The following DIDO1 variants were observed in gnomAD, a reference collection of about 807,000 sequenced individuals.
DIDO1 encodes death inducer-obliterator 1.
In DIDO1, 16 loss-of-function variants were observed where a neutral mutation model predicts 99.4. The observed-to-expected ratio is 0.16, with a 90% CI of 0.11 to 0.24. The LOEUF (loss-of-function observed/expected upper bound fraction) is 0.24, where lower values mean the gene tolerates loss of function less well. Ranked by LOEUF, DIDO1 falls within the 10% of genes least tolerant of loss-of-function variation. The pLI is 1.00. For synonymous variants in DIDO1, 1,366 were observed against 1,239.1 expected, an observed-to-expected ratio of 1.10 and a Z score of -2.15; for missense variants, 2,996 against 3,014.0, an observed-to-expected ratio of 0.99 and a Z score of 0.14.
At chr20:62,912,408 C>T (rs958577428) in intron 2 of DIDO1, among the ~76,000 whole-genome samples, 4 of 150,680 alleles carry the variant, frequency 2.7e-5, no homozygotes, top group African/African-American at 4.9e-5. Flanking sequence ...ATGGTCAAGG[C>T]GATCACTTTA....
intron 1 of DIDO1, among the ~76,000 whole-genome samples, chr20:62,932,067 T>C (rs1204252776): frequency 1.3e-5 from 2 of 152,050 alleles, no homozygotes; most frequent in Admixed American, 6.6e-5. Flanking sequence ...TTCAGGGAGG[T>C]CTTGCTTTGT....
At chr20:62,887,209 A>C in intron 15 of DIDO1, 1 of 985,454 alleles carries the variant, frequency 1.0e-6, no homozygotes, top group Non-Finnish European at 1.2e-6. Context: ...ACAAACAAGG[A>C]CCAGTTTCCA....
At chr20:62,899,775 G>A (rs1422966580) in intron 6 of DIDO1, among the ~76,000 whole-genome samples, 1 of 152,142 alleles carries the variant, frequency 6.6e-6, no homozygotes. Context: ...CGGGCCTCTG[G>A]GAGCAGTGTC....
At position 62,882,308 on chromosome 20, in the gene DIDO1, G is replaced by T; in HGVS notation, c.3648C>A (p.Thr1216=). ...CGTCCGCTTCTTCCGGTTGAAGTCGGGTCCGCTTTTCGTCCATCTTGTCTA... is the reference window on the plus strand; with the variant it reads ...CGTCCGCTTCTTCCGGTTGAAGTCGTGTCCGCTTTTCGTCCATCTTGTCTA... ...GELDKMDEKR[T]RLQPEEADVP... The change falls in exon 16 of 16, where the codon ACC becomes ACA. Residue 1216 remains threonine (T), a synonymous_variant. Transcript: ENST00000395343. The T allele has an allele frequency of 6.2e-7, 1 of 1,613,976 alleles. No individual in the cohort carries two copies. Among genetic ancestry groups the T allele is most frequent in the Non-Finnish European group, 8.5e-7 (1 of 1,180,004 alleles).
rs1418452222 is a variant in DIDO1 at position 62,926,283 on chromosome 20, C to T, written c.-200+156G>A. The T allele has an allele frequency of 5.3e-5, 8 of 152,006 alleles. 1 individual carries two copies. The highest frequency in any genetic ancestry group is 2.6e-4 in the Admixed American group (4 of 15,268). The allele number at this position is 152,006 out of a possible 1,614,324, so 9.4% of individuals were successfully genotyped here. A position where few individuals can be genotyped will look rare whatever the true frequency, so the allele number is the denominator to read the frequency against. The stretch of plus-strand genomic sequence containing the variant: ...GCCCGCCCGCCCGCCCGCTCCTTCC[C>T]TTCCGCGGCCGCCATCTTCTCGGCG... On this transcript the variant is annotated intron_variant, in intron 1 of 15. Transcript: ENST00000395343.
At chr20:62,929,760 T>TG (rs1407822880), upstream of DIDO1, among the ~76,000 whole-genome samples, 1 of 46,698 alleles carries the variant, frequency 2.1e-5, no homozygotes, top group Non-Finnish European at 4.2e-5. Flanking sequence ...ACTGTTTTGT[T>TG]TTTTTTTTTT....
intron 1 of DIDO1, among the ~76,000 whole-genome samples, chr20:62,932,268 G>C (rs2065339213): frequency 6.6e-6 from 1 of 152,210 alleles, no homozygotes; most frequent in African/African-American, 2.4e-5. Flanking sequence ...CCAGGAGAGA[G>C]GATCACTTGA....
chr20:62,919,187 T>C (rs1012798604), intron 1 of DIDO1, among the ~76,000 whole-genome samples: 1 of 152,216 alleles, frequency 6.6e-6, no homozygotes, highest in Non-Finnish European at 1.5e-5. Flanking sequence ...ATTGCATAGA[T>C]TACATTTAAA....
intron 15 of DIDO1, among the ~76,000 whole-genome samples, chr20:62,883,699 C>A (rs551049480): frequency 6.6e-6 from 1 of 152,294 alleles, no homozygotes; most frequent in South Asian, 2.1e-4. Flanking sequence ...GTGGCGCACA[C>A]CTGTAGTCCC....
rs370202782 is a variant in DIDO1, at chr20:62,907,309, G to A, written c.1212C>T (p.His404=). The change falls in exon 5 of 16, where the codon CAC becomes CAT. Residue 404 remains histidine (H), a synonymous_variant. Transcript: ENST00000395343. The part of the protein sequence containing the change: ...ASKCIGPGCC[H]VAQPDSVYCS... ...AGTACACCGAGTCGGGCTGCGCCAC[G>A]TGACAGCACCCGGGGCCAATACATT... 1.4e-5 allele frequency: 22 copies of A among 1,614,096 alleles called. No individual in the cohort carries two copies. The highest frequency in any genetic ancestry group is 8.9e-5 in the East Asian group (4 of 44,898).
intron 4 of DIDO1, among the ~76,000 whole-genome samples, chr20:62,908,822 G>A (rs1000389526): frequency 6.6e-6 from 1 of 152,172 alleles, no homozygotes; most frequent in African/African-American, 2.4e-5. Context: ...CTGTGCCACC[G>A]AACTCCAGCC....
intron 12 of DIDO1, 91 bp from the exon 13 acceptor site, chr20:62,893,053 A>AGATCCTG: frequency 1.5e-6 from 2 of 1,374,594 alleles, no homozygotes; most frequent in Non-Finnish European, 2.0e-6. Context: ...TTGAGACAGG[A>AGATCCTG]TCTCATTCTG....
chr20:62,893,798 T>C lies in DIDO1; in HGVS notation c.2969A>G (p.His990Arg), dbSNP rs2064452426. ...ASAASRPDST[H>R]MVEARQDVPK... is the part of the protein sequence containing the mutation. ...CACATCCTGTCTGGCTTCCACCATGTGGGTGCTGTCTGGGCGGGATGCTGC... is the reference window on the plus strand; with the variant it reads ...CACATCCTGTCTGGCTTCCACCATGCGGGTGCTGTCTGGGCGGGATGCTGC... The change falls in exon 12 of 16, where the codon CAC becomes CGC. Residue 990 changes from histidine (H) to arginine (R), a missense_variant. Around this residue, in one of 5 missense-constraint regions of DIDO1, gnomAD observed 898 missense variants for 972.7 expected, o/e 0.92. Transcript: ENST00000395343. 1 of 1,614,154 alleles carries C rather than the reference T, an allele frequency of 6.2e-7. No individual in the cohort carries two copies. The highest frequency in any genetic ancestry group is 1.1e-5 in the South Asian group (1 of 91,078).
Position 62,920,508 on chromosome 20 carries a change from A to C in DIDO1, c.-200+5931T>G, listed in dbSNP as rs117413455. Among the ~76,000 whole-genome samples the C allele has an allele frequency of 9.8e-3, 1,489 of 152,354 alleles. 14 individuals are homozygous for C. Among genetic ancestry groups the C allele is most frequent in the Middle Eastern group, 0.024 (7 of 294 alleles). ...GATTCCACACTTGCCCCAAGGGGCA[A>C]GCACATGGTTGAGCCACTAAAAATT... On this transcript the variant is annotated intron_variant, in intron 1 of 15. Transcript: ENST00000395343.
chr20:62,911,535 T>G lies in DIDO1; in HGVS notation c.78A>C (p.Thr26=), dbSNP rs780170493. The G allele has an allele frequency of 1.9e-6, 3 of 1,612,624 alleles. No homozygotes were observed. Among genetic ancestry groups the G allele is most frequent in the Non-Finnish European group, 2.5e-6 (3 of 1,179,312 alleles). The change falls in exon 3 of 16, where the codon ACA becomes ACC. Residue 26 remains threonine, a synonymous_variant. Coordinates refer to ENST00000395343, the MANE Select transcript of DIDO1 (RefSeq NM_001193369.2). This position sits in a 1 kb window ranked among gnomAD's most constrained non-coding sequence, Gnocchi z 7.0. ...IKPTSKEFRK[T]WGFRRTTIAK... ...CGATAGTGGTCCTTCGAAAACCCCA[T>G]GTTTTCCTGAACTCTTTGCTGGTGG...
intron 6 of DIDO1, among the ~76,000 whole-genome samples, chr20:62,903,875 G>A (rs1746921520): frequency 6.6e-6 from 1 of 152,160 alleles, no homozygotes; most frequent in Non-Finnish European, 1.5e-5. Flanking sequence ...AGGGAGAAGA[G>A]GTCAGAGTAC....
In DIDO1 at chr20:62,899,147, C is replaced by T. The variant is rs184134635; in HGVS notation, c.1589-2151G>A. Among the ~76,000 whole-genome samples, 597 of 152,266 alleles carry T rather than the reference C, an allele frequency of 3.9e-3. 1 individual carries two copies. The highest frequency in any genetic ancestry group is 0.013 in the African/African-American group (548 of 41,538). On this transcript the variant is annotated intron_variant, in intron 6 of 15. Transcript: ENST00000395343. ...GGAACCAAGCCCCGGTCTCCAGAGG[C>T]GGCAGACAGACACCTGCCGGGAAGC...
intron 14 of DIDO1, 128 bp downstream of exon 14, chr20:62,891,859 T>C (rs2064406083): frequency 6.6e-6 from 5 of 755,448 alleles, no homozygotes; most frequent in Non-Finnish European, 1.0e-5. Context: ...AACATTCACC[T>C]GGAAATATCT....
Position 62,911,246 on chromosome 20 carries a change from T to C in DIDO1, c.367A>G (p.Ser123Gly). Residue 123 changes from serine (S) to glycine (G), a missense_variant, in exon 3 of 16, where the codon AGC becomes GGC. Ser to Gly is a moderately conservative substitution (Grantham distance 56). Around this residue, in one of 5 missense-constraint regions of DIDO1, gnomAD observed 388 missense variants for 376.6 expected, o/e 1.03. Transcript: ENST00000395343. The surrounding 1 kb of genome is among the most constrained non-coding windows in gnomAD (Gnocchi z 7.0). ...GSVESASETR[S>G]GPQSASTAVK... ...GCTGTGGAAGCAGACTGGGGGCCGC[T>C]TCTGGTCTCAGAAGCGCTTTCCACG... 6.2e-7 allele frequency: 1 copy of C among 1,613,366 alleles called. No individual in the cohort carries two copies. The highest frequency in any genetic ancestry group is 8.5e-7 in the Non-Finnish European group (1 of 1,180,014).
Sources: gnomAD v4.1 joint callset for allele counts (sites outside exome capture counted in the v4.1 genomes callset) on GRCh38, gnomAD v4.1.1 for gene constraint, gnomAD v4.1.1 regional missense constraint, Gnocchi (gnomAD v3.1) non-coding constraint, MANE v1.5 for transcripts, NCBI Gene and HGNC (gene_info 2026-07-23, HGNC 2026-07-21) for gene names.